The following CUL2 variants were observed in gnomAD, a reference collection of about 807,000 sequenced individuals.
The protein encoded by CUL2 is cullin-2.
CUL2 carries 22 observed loss-of-function variants against 110.2 expected under a neutral mutation model. That is an observed-to-expected ratio of 0.20 (90% CI 0.14 to 0.28). CUL2 has a LOEUF of 0.28. Among genes scored for constraint, CUL2 ranks in the 10% least tolerant of loss-of-function variants. CUL2 has a pLI of 1.00. For synonymous variants in CUL2, 279 were observed against 293.2 expected, an observed-to-expected ratio of 0.95 and a Z score of 0.49; for missense variants, 631 against 905.5, an observed-to-expected ratio of 0.70 and a Z score of 3.89.
chr10:35,047,199 A>G (rs1371068272), intron 6 of CUL2, among the ~76,000 whole-genome samples: 1 of 152,228 alleles, frequency 6.6e-6, no homozygotes, highest in African/African-American at 2.4e-5. Flanking sequence ...TCACTGTAAA[A>G]GAAAGATGTG....
chr10:35,052,621 C>T (rs755220646), intron 5 of CUL2, among the ~76,000 whole-genome samples: 7 of 152,092 alleles, frequency 4.6e-5, no homozygotes, highest in South Asian at 2.1e-4. Flanking sequence ...AATTGGGGGG[C>T]GCGGTGGCTC....
In CUL2 at chr10:35,011,717, G is replaced by T. The variant is rs113642404; in HGVS notation, c.2106+131C>A. The T allele has an allele frequency of 7.9e-4, 465 of 591,088 alleles. 3 individuals are homozygous for T. The African/African-American group carries it at 7.9e-3, about 10-fold the overall frequency. 36.6% of individuals were successfully genotyped at this position (591,088 alleles called of 1,614,324 possible). On this transcript the variant is annotated intron_variant, in intron 20 of 20. Transcript: ENST00000374749. ...TGTGAGTGAGTACGATTCTGATTAA[G>T]TATGAAACATTTCTTTATGCTATCT...
intron 11 of CUL2, 148 bp downstream of exon 11, chr10:35,033,018 A>G (rs2085516982): frequency 2.4e-6 from 1 of 420,090 alleles, no homozygotes; most frequent in Non-Finnish European, 4.1e-6. Flanking sequence ...TTTAAAAATT[A>G]TATTATTTCT....
intron 1 of CUL2, among the ~76,000 whole-genome samples, chr10:35,081,476 C>T (rs151323943): frequency 1.8e-3 from 267 of 152,274 alleles, no homozygotes; most frequent in African/African-American, 5.8e-3. Context: ...TATGTATCCC[C>T]GATCTCAGGT....
intron 2 of CUL2, among the ~76,000 whole-genome samples, chr10:35,068,612 C>A (rs1027460579): frequency 2.0e-5 from 3 of 152,032 alleles, no homozygotes; most frequent in Admixed American, 1.3e-4. Context: ...ATTATTTGTG[C>A]AAAGGTGTAT....
At chr10:35,060,833 C>A in intron 4 of CUL2, 41 bp downstream of exon 4, 1 of 1,506,486 alleles carries the variant, frequency 6.6e-7, no homozygotes, top group Non-Finnish European at 9.1e-7. Flanking sequence ...TGAATGCAGG[C>A]AACGCTGCTT....
At position 35,090,179 on chromosome 10, in the gene CUL2, C is replaced by A; in HGVS notation, c.-23G>T. ...GCTCCCCGACCCTCAGCGGGGTTAC[C>A]TTCTGCAGAAGCAGGGCAAGGGGCA... On this transcript the variant is annotated splice_region_variant and 5_prime_UTR_variant, in exon 1 of 21. Transcript: ENST00000374749. 1 of 153,000 alleles carries A rather than the reference C, an allele frequency of 6.5e-6. No homozygotes were observed. The highest frequency in any genetic ancestry group is 1.9e-4 in the South Asian group (1 of 5,326). The allele number at this position is 153,000 out of a possible 1,614,324, so 9.5% of individuals were successfully genotyped here. A position where few individuals can be genotyped will look rare whatever the true frequency, so the allele number is the denominator to read the frequency against.
chr10:35,012,474 G>A (rs572764354), intron 19 of CUL2, among the ~76,000 whole-genome samples: 8 of 152,102 alleles, frequency 5.3e-5, no homozygotes, highest in African/African-American at 1.7e-4. Context: ...ACTGGATCAG[G>A]CTTCAAAGGG....
At chr10:35,023,446 T>C (rs926649436) in intron 17 of CUL2, among the ~76,000 whole-genome samples, 4 of 152,216 alleles carry the variant, frequency 2.6e-5, no homozygotes, top group East Asian at 3.8e-4. Flanking sequence ...AATCAACTTA[T>C]GTATCAGCTT....
chr10:35,031,673 G>A lies in CUL2; in HGVS notation c.1171-54C>T, dbSNP rs1326525480. The A allele has an allele frequency of 1.2e-5, 19 of 1,585,094 alleles. No homozygotes were observed. Among genetic ancestry groups the A allele is most frequent in the East Asian group, 2.2e-5 (1 of 44,536 alleles). The stretch of plus-strand genomic sequence containing the variant: ...CAAAGGGTGCTTCTGTATATATCAC[G>A]CCTCAAAGGAGGCAAAGTGGTGATA... On this transcript the variant is annotated intron_variant, in intron 12 of 20. Transcript: ENST00000374749. This position sits in a 1 kb window ranked among gnomAD's most constrained non-coding sequence, Gnocchi z 4.4.
At chr10:35,057,584 C>T (rs2086269946) in intron 4 of CUL2, among the ~76,000 whole-genome samples, 1 of 143,900 alleles carries the variant, frequency 6.9e-6, no homozygotes, top group South Asian at 2.2e-4. Context: ...ACCCAGGAGG[C>T]GGAGGTTGCA....
intron 4 of CUL2, 131 bp downstream of exon 4, chr10:35,060,743 A>T: frequency 2.8e-6 from 2 of 702,204 alleles, no homozygotes; most frequent in Non-Finnish European, 4.7e-6. Context: ...CAGCAGAGAA[A>T]AGTCCATGTC....
At chr10:35,052,903 A>G (rs990338895) in intron 5 of CUL2, among the ~76,000 whole-genome samples, 6 of 151,314 alleles carry the variant, frequency 4.0e-5, no homozygotes, top group African/African-American at 1.5e-4. Flanking sequence ...TCAAAAAAAA[A>G]AAAGAAAAAA....
At chr10:35,105,826 GAA>G (rs112118504) in intron 1 of CUL2, among the ~76,000 whole-genome samples, 30,192 of 139,314 alleles carry the variant, frequency 0.22, 3,469 homozygotes, top group African/African-American at 0.33. Context: ...GCAATGTCCT[GAA>G]AAAAAAAAAA....
intron 1 of CUL2, among the ~76,000 whole-genome samples, chr10:35,082,195 C>A (rs556143902): frequency 2.3e-4 from 35 of 152,006 alleles, no homozygotes; most frequent in African/African-American, 7.7e-4. Context: ...CCAGCCTGGG[C>A]AACAGAGCCA....
intron 4 of CUL2, among the ~76,000 whole-genome samples, chr10:35,057,101 A>G (rs2086257751): frequency 6.6e-6 from 1 of 152,196 alleles, no homozygotes; most frequent in South Asian, 2.1e-4. Flanking sequence ...TACCTACATA[A>G]TAAGTGTAAA....
intron 17 of CUL2, among the ~76,000 whole-genome samples, chr10:35,022,611 T>G (rs1212092514): frequency 6.6e-6 from 1 of 152,186 alleles, no homozygotes; most frequent in Non-Finnish European, 1.5e-5. Flanking sequence ...GAGAAACTTT[T>G]TGTTAAATGA....
intron 1 of CUL2, among the ~76,000 whole-genome samples, chr10:35,104,277 T>C (rs2087425736): frequency 6.6e-6 from 1 of 152,128 alleles, no homozygotes; most frequent in Non-Finnish European, 1.5e-5. Flanking sequence ...AGAAACCCTG[T>C]CTTTAGAAAA....
intron 3 of CUL2, among the ~76,000 whole-genome samples, 196 bp downstream of exon 3, chr10:35,062,764 G>GA (rs1348061608): frequency 6.6e-6 from 1 of 151,994 alleles, no homozygotes; most frequent in African/African-American, 2.4e-5. Context: ...GTAAGCCAGG[G>GA]AAGTCGGGGC....
Sources: gnomAD v4.1 joint callset for allele counts (sites outside exome capture counted in the v4.1 genomes callset) on GRCh38, gnomAD v4.1.1 for gene constraint, Gnocchi (gnomAD v3.1) non-coding constraint, MANE v1.5 for transcripts, NCBI Gene and HGNC (gene_info 2026-07-23, HGNC 2026-07-21) for gene names.